The following PCLO variants were observed in gnomAD, a reference collection of about 807,000 sequenced individuals.
PCLO encodes the protein piccolo presynaptic cytomatrix protein.
PCLO carries 82 observed loss-of-function variants against 427.5 expected under a neutral mutation model. The ratio of observed to expected loss-of-function variants is 0.19; its 90% CI spans 0.16 to 0.23. The LOEUF is 0.23. Ranked by LOEUF, PCLO falls within the 10% of genes least tolerant of loss-of-function variation. The probability of loss-of-function intolerance (pLI) is 1.00; values close to 1 mark genes in which losing one functional copy is unlikely to be tolerated. For synonymous variants in PCLO, 2,357 were observed against 2,155.4 expected, an observed-to-expected ratio of 1.09 and a Z score of -2.59; for missense variants, 6,239 against 6,115.9, an observed-to-expected ratio of 1.02 and a Z score of -0.67.
At chr7:82,829,949 G>T (rs940296792) in intron 16 of PCLO, among the ~76,000 whole-genome samples, 1 of 151,678 alleles carries the variant, frequency 6.6e-6, no homozygotes, top group African/African-American at 2.4e-5. Flanking sequence ...CTTGAAAAAA[G>T]TTTTGATCAA....
chr7:82,949,256 T>TACACACACACACAC (rs369915572), intron 6 of PCLO, among the ~76,000 whole-genome samples: 2 of 149,702 alleles, frequency 1.3e-5, no homozygotes, highest in African/African-American at 4.9e-5. Context: ...TATGGTTTCC[T>TACACACACACACAC]ACACACACAC....
At chr7:83,093,025 T>G in intron 3 of PCLO, among the ~76,000 whole-genome samples, 1 of 151,452 alleles carries the variant, frequency 6.6e-6, no homozygotes, top group East Asian at 1.9e-4. Context: ...AAGATAAATA[T>G]TATGTCTACT....
At chr7:82,920,527 G>A (rs957835627) in intron 6 of PCLO, among the ~76,000 whole-genome samples, 3 of 151,704 alleles carry the variant, frequency 2.0e-5, no homozygotes, top group Non-Finnish European at 4.4e-5. Context: ...AAAGGTTTAA[G>A]AAAGACTGGA....
Position 82,966,410 on chromosome 7 carries a change from T to C in PCLO, c.3378A>G (p.Pro1126=). 1 of 1,613,582 alleles carries C rather than the reference T, an allele frequency of 6.2e-7. No homozygotes were observed. ...SGQLGDIRKM[P]PAPSGPKASP... ...ATGCTTTGGGTCCTGATGGTGCAGG[T>C]GGCATTTTGCGTATGTCTCCAAGCT... is the stretch of plus-strand genomic sequence containing the variant. Residue 1126 remains proline (P), a synonymous_variant, in exon 4 of 25, where the codon CCA becomes CCG. Transcript: ENST00000333891.
At chr7:83,160,983 T>A (rs1008969187) in intron 1 of PCLO, among the ~76,000 whole-genome samples, 2 of 152,078 alleles carry the variant, frequency 1.3e-5, no homozygotes, top group Non-Finnish European at 2.9e-5. Context: ...ATAAACTGGA[T>A]AAGAGAACAA....
chr7:82,756,788 C>G lies in PCLO; in HGVS notation c.*1787G>C, dbSNP rs958924474. 6.6e-6 allele frequency: 1 copy of G among 151,882 alleles called. No homozygotes were observed. The highest frequency in any genetic ancestry group is 1.5e-5 in the Non-Finnish European group (1 of 67,964). The allele number at this position is 151,882 out of a possible 1,614,324, so 9.4% of individuals were successfully genotyped here. A position where few individuals can be genotyped will look rare whatever the true frequency, so the allele number is the denominator to read the frequency against. ...GGTGGAATATAGGACTAGGGTAAGA[C>G]CAGCATTATTCATTTAATTTGGGAT... On this transcript the variant is annotated 3_prime_UTR_variant, in exon 25 of 25. Transcript: ENST00000333891.
At chr7:82,869,240 C>T (rs1464477683) in intron 10 of PCLO, among the ~76,000 whole-genome samples, 1 of 151,890 alleles carries the variant, frequency 6.6e-6, no homozygotes, top group Non-Finnish European at 1.5e-5. Flanking sequence ...TTGATAAAAC[C>T]ATATAATATT....
At chr7:83,038,546 T>C (rs907193563) in intron 3 of PCLO, among the ~76,000 whole-genome samples, 2 of 151,996 alleles carry the variant, frequency 1.3e-5, no homozygotes, top group Non-Finnish European at 2.9e-5. Flanking sequence ...ACCTATGCTT[T>C]TGCTTGTGTA....
chr7:82,932,771 G>A (rs1794869052), intron 6 of PCLO, among the ~76,000 whole-genome samples: 1 of 151,978 alleles, frequency 6.6e-6, no homozygotes. Context: ...ATGCTAGATT[G>A]CACTGTTAAT....
intron 20 of PCLO, among the ~76,000 whole-genome samples, chr7:82,819,566 G>A (rs761375750): frequency 1.2e-4 from 18 of 152,098 alleles, no homozygotes; most frequent in Non-Finnish European, 2.6e-4. Flanking sequence ...AAAAATGAAA[G>A]TTTTAGTAAG....
intron 3 of PCLO, among the ~76,000 whole-genome samples, chr7:83,026,756 T>C (rs1322310116): frequency 4.6e-5 from 7 of 151,416 alleles, no homozygotes; most frequent in African/African-American, 1.7e-4. Context: ...ACAAACTGTC[T>C]CTCAGACCAC....
intron 16 of PCLO, among the ~76,000 whole-genome samples, chr7:82,833,306 A>G (rs1303107618): frequency 1.3e-5 from 2 of 152,202 alleles, no homozygotes; most frequent in African/African-American, 4.8e-5. Context: ...CTCAGTAATG[A>G]GAAAATATTT....
At chr7:82,927,142 A>G (rs1474935899) in intron 6 of PCLO, among the ~76,000 whole-genome samples, 1 of 152,198 alleles carries the variant, frequency 6.6e-6, no homozygotes, top group Non-Finnish European at 1.5e-5. Flanking sequence ...CTTTAGAAAA[A>G]GATGAATTCT....
At chr7:82,826,946 A>T (rs1791960108) in intron 17 of PCLO, among the ~76,000 whole-genome samples, 1 of 152,028 alleles carries the variant, frequency 6.6e-6, no homozygotes, top group Admixed American at 6.6e-5. Flanking sequence ...TCAAAAATAG[A>T]AATCAGAATT....
chr7:83,141,854 C>T (rs1469407611), intron 2 of PCLO, among the ~76,000 whole-genome samples: 1 of 151,918 alleles, frequency 6.6e-6, no homozygotes, highest in Non-Finnish European at 1.5e-5. Flanking sequence ...CTATTGATTA[C>T]CAAAAAATTA....
rs1217293381 is a variant in PCLO at position 82,954,944 on chromosome 7, A to G, written c.6009T>C (p.Pro2003=). Residue 2003 remains proline (P), a synonymous_variant, in exon 5 of 25, where the codon CCT becomes CCC. Coordinates refer to ENST00000333891, the MANE Select transcript of PCLO (RefSeq NM_033026.6). The stretch of plus-strand genomic sequence containing the variant: ...TCTGGAGGTCTGTAATTTTCTGCAT[A>G]GGATCTTCATAAATCTGTTCTGAAA... The part of the protein sequence containing the change: ...IRLSEQIYED[P]MQKITDLQKE... The G allele has an allele frequency of 6.2e-7, 1 of 1,613,588 alleles. No homozygotes were observed. Among genetic ancestry groups the G allele is most frequent in the Non-Finnish European group, 8.5e-7 (1 of 1,179,826 alleles).
intron 6 of PCLO, among the ~76,000 whole-genome samples, chr7:82,937,148 G>A (rs1304719828): frequency 1.3e-5 from 2 of 151,676 alleles, no homozygotes; most frequent in African/African-American, 4.8e-5. Flanking sequence ...TTAATTTTAT[G>A]TTGTGTGAAT....
At chr7:82,914,577 A>G (rs1398159353) in intron 7 of PCLO, 109 bp downstream of exon 7, 1 of 1,068,554 alleles carries the variant, frequency 9.4e-7, no homozygotes, top group Non-Finnish European at 1.4e-6. Flanking sequence ...AACATGCAAA[A>G]GACACACCAA....
rs556779058 is a variant in PCLO, at chr7:82,891,499, C to T, written c.13528+11152G>A. ...TCTGCAAAAAGGGACAATTTGACTT[C>T]CTCTTTTCCTAATTGAATACCCTTT... On this transcript the variant is annotated intron_variant, in intron 9 of 24. Coordinates refer to ENST00000333891, the MANE Select transcript of PCLO (RefSeq NM_033026.6). Among the ~76,000 whole-genome samples the T allele has an allele frequency of 2.7e-3, 409 of 152,180 alleles. 1 individual carries two copies. Among genetic ancestry groups the T allele is most frequent in the Non-Finnish European group, 4.6e-3 (310 of 68,010 alleles).
Sources: gnomAD v4.1 joint callset for allele counts (sites outside exome capture counted in the v4.1 genomes callset) on GRCh38, gnomAD v4.1.1 for gene constraint, MANE v1.5 for transcripts, NCBI Gene and HGNC (gene_info 2026-07-23, HGNC 2026-07-21) for gene names.